LRMDA: variants seen among roughly 807,000 people sequenced by gnomAD.
The protein encoded by LRMDA is leucine-rich melanocyte differentiation-associated protein.
LRMDA carries 18 observed loss-of-function variants against 29.8 expected under a neutral mutation model. That is an observed-to-expected ratio of 0.60 (90% CI 0.42 to 0.90). LRMDA has a LOEUF of 0.90. Among genes scored for constraint, LRMDA ranks in the 40% least tolerant of loss-of-function variants. The pLI, the probability that LRMDA is intolerant of heterozygous loss-of-function variation, is 0.00. For synonymous variants in LRMDA, 125 were observed against 109.4 expected (o/e 1.14, Z -0.89); for missense variants, 273 against 273.9 (o/e 1.00, Z 0.02).
At chr10:75,834,291 G>A (rs1424285206) in intron 2 of LRMDA, among the ~76,000 whole-genome samples, 1 of 152,124 alleles carries the variant, frequency 6.6e-6, no homozygotes, top group African/African-American at 2.4e-5. Flanking sequence ...TGTTGAGATG[G>A]TTGAGGGGAT....
At chr10:75,781,112 T>A (rs939793358) in intron 2 of LRMDA, among the ~76,000 whole-genome samples, 4 of 152,222 alleles carry the variant, frequency 2.6e-5, no homozygotes, top group Admixed American at 2.6e-4. Flanking sequence ...AGCAGAATCT[T>A]CCCTGATTGC....
At chr10:75,859,660 CGAT>C (rs974187791) in intron 2 of LRMDA, among the ~76,000 whole-genome samples, 6 of 149,116 alleles carry the variant, frequency 4.0e-5, no homozygotes, top group Non-Finnish European at 8.9e-5. Flanking sequence ...CATCTGGCCT[CGAT>C]GCCTCATACA....
At chr10:76,489,611 C>G (rs961723909) in intron 6 of LRMDA, among the ~76,000 whole-genome samples, 1 of 151,694 alleles carries the variant, frequency 6.6e-6, no homozygotes, top group African/African-American at 2.4e-5. Context: ...TTAGGTTATT[C>G]ATTTGAAGTT....
intron 5 of LRMDA, among the ~76,000 whole-genome samples, chr10:76,297,386 G>A (rs1362450848): frequency 6.6e-6 from 1 of 152,190 alleles, no homozygotes; most frequent in African/African-American, 2.4e-5. Context: ...CAGGGAATTT[G>A]TAGTAAAGGC....
At chr10:76,452,822 T>G (rs1427919877) in intron 6 of LRMDA, among the ~76,000 whole-genome samples, 2 of 152,232 alleles carry the variant, frequency 1.3e-5, no homozygotes, top group Non-Finnish European at 2.9e-5. Context: ...ATTCAATAAG[T>G]AAACTCATAT....
intron 6 of LRMDA, among the ~76,000 whole-genome samples, chr10:76,475,812 C>T (rs1169659546): frequency 1.3e-5 from 2 of 152,034 alleles, no homozygotes; most frequent in South Asian, 2.1e-4. Flanking sequence ...TGGTACATAA[C>T]GAAATGAAGG....
intron 2 of LRMDA, chr10:75,451,590 G>T (rs183650705): frequency 3.9e-5 from 6 of 152,236 alleles, no homozygotes; most frequent in South Asian, 2.1e-4. Flanking sequence ...ATTACAACTG[G>T]CAGGGCTGTT....
Position 75,749,281 on chromosome 10 carries a change from T to TTTATG in LRMDA, c.132-286723_132-286722insGTTAT, listed in dbSNP as rs372034446. On this transcript the variant is annotated intron_variant, in intron 2 of 6. Coordinates refer to ENST00000611255, the MANE Select transcript of LRMDA (RefSeq NM_001305581.2). Reference sequence around the variant, plus strand: ...ACATACAAAACGTGTTAACCTACTCTTTATTAGTAAGGCTTCTGGTCAATA... The same window carrying TTTATG: ...ACATACAAAACGTGTTAACCTACTCTTTATGTTATTAGTAAGGCTTCTGGTCAATA... 6.4e-3 allele frequency among the ~76,000 whole-genome samples: 982 copies of TTTATG among 152,308 alleles called. 11 individuals carry two copies. The highest frequency in any genetic ancestry group is 0.022 in the African/African-American group (905 of 41,568).
At chr10:75,541,402 CTTTT>C (rs35660494) in intron 2 of LRMDA, among the ~76,000 whole-genome samples, 2 of 136,822 alleles carry the variant, frequency 1.5e-5, no homozygotes, top group Admixed American at 7.2e-5. Context: ...TCCCCACAAA[CTTTT>C]TTTTTTTTTT....
chr10:76,134,321 T>C (rs1850054671), intron 5 of LRMDA, among the ~76,000 whole-genome samples: 1 of 152,228 alleles, frequency 6.6e-6, no homozygotes. Flanking sequence ...TTTCAAGCCA[T>C]GTTCCCAAGG....
chr10:76,059,632 C>G (rs1848672491), intron 5 of LRMDA, among the ~76,000 whole-genome samples: 1 of 152,170 alleles, frequency 6.6e-6, no homozygotes, highest in Non-Finnish European at 1.5e-5. Flanking sequence ...GTTGAAAATG[C>G]TGGCACTGAT....
chr10:75,599,707 G>A (rs1840856304), intron 2 of LRMDA, among the ~76,000 whole-genome samples: 2 of 152,186 alleles, frequency 1.3e-5, no homozygotes, highest in Non-Finnish European at 2.9e-5. Flanking sequence ...CAATATGGTA[G>A]CCACTAGCCA....
chr10:76,075,902 A>C (rs1182804628), intron 5 of LRMDA, among the ~76,000 whole-genome samples: 2 of 152,206 alleles, frequency 1.3e-5, no homozygotes, highest in Non-Finnish European at 2.9e-5. Context: ...TGGGATTTTG[A>C]GTAAATGAGT....
chr10:76,478,410 A>G (rs2132324012), intron 6 of LRMDA, among the ~76,000 whole-genome samples: 1 of 152,278 alleles, frequency 6.6e-6, no homozygotes, highest in African/African-American at 2.4e-5. Context: ...GGTGCTGGAG[A>G]GGATGTGGAG....
intron 2 of LRMDA, among the ~76,000 whole-genome samples, chr10:75,772,997 A>T (rs1021792871): frequency 6.6e-6 from 1 of 152,170 alleles, no homozygotes; most frequent in Non-Finnish European, 1.5e-5. Context: ...ATACAAAAGA[A>T]AAAGGAAAGC....
At chr10:75,739,188 G>A (rs978831557) in intron 2 of LRMDA, among the ~76,000 whole-genome samples, 1 of 152,150 alleles carries the variant, frequency 6.6e-6, no homozygotes. Flanking sequence ...TGGTAGTCTC[G>A]GGTCAGAGTG....
chr10:75,738,594 G>C (rs573013463), intron 2 of LRMDA, among the ~76,000 whole-genome samples: 1 of 152,114 alleles, frequency 6.6e-6, no homozygotes, highest in Non-Finnish European at 1.5e-5. Flanking sequence ...CCTTGACTTG[G>C]GTGGCTGATT....
intron 2 of LRMDA, among the ~76,000 whole-genome samples, chr10:75,620,447 G>T (rs1422233456): frequency 6.6e-6 from 1 of 152,154 alleles, no homozygotes; most frequent in Admixed American, 6.6e-5. Flanking sequence ...GGTTTTGGCT[G>T]GGGGTTGGGC....
chr10:76,345,028 T>TAA (rs35305324), intron 6 of LRMDA, among the ~76,000 whole-genome samples: 5,640 of 146,832 alleles, frequency 0.038, 207 homozygotes, highest in African/African-American at 0.095. Context: ...TGATTTTATT[T>TAA]AAAAAAAACC....
Sources: allele counts gnomAD v4.1 joint callset (sites outside exome capture counted in the v4.1 genomes callset), GRCh38; gene constraint gnomAD v4.1.1; transcripts MANE v1.5; gene names NCBI Gene and HGNC (gene_info 2026-07-23, HGNC 2026-07-21).